The following RBFOX1 variants were observed in gnomAD, a reference collection of about 807,000 sequenced individuals.
The protein encoded by RBFOX1 is RNA binding fox-1 homolog 1, also known as RNA binding protein fox-1 homolog 1.
In RBFOX1, 8 loss-of-function variants were observed where a neutral mutation model predicts 57.7. The observed-to-expected ratio is 0.14, with a 90% confidence interval of 0.08 to 0.25. RBFOX1 has a LOEUF of 0.25. RBFOX1 is among the 10% of genes least tolerant of loss of function. RBFOX1 has a pLI of 1.00. For missense variants in RBFOX1, 611 were observed against 548.5 expected, an observed-to-expected ratio of 1.11 and a Z score of -1.14; for synonymous variants, 326 against 222.4, an observed-to-expected ratio of 1.47 and a Z score of -4.15.
chr16:5,625,385 C>T (rs1000062500), intron 3 of RBFOX1, among the ~76,000 whole-genome samples: 1 of 152,044 alleles, frequency 6.6e-6, no homozygotes, highest in African/African-American at 2.4e-5. Context: ...GACTGGGGCA[C>T]AGAGAGGTCA....
chr16:5,737,958 C>A (rs1030260417), intron 3 of RBFOX1, among the ~76,000 whole-genome samples: 3 of 152,114 alleles, frequency 2.0e-5, no homozygotes, highest in African/African-American at 7.2e-5. Context: ...CTGCACCCGC[C>A]AACCTGTCAT....
At chr16:5,823,252 G>A (rs552057655) in intron 3 of RBFOX1, among the ~76,000 whole-genome samples, 61 of 152,266 alleles carry the variant, frequency 4.0e-4, no homozygotes, top group African/African-American at 1.5e-3. Context: ...CTTACACATA[G>A]TTGGTACTTG....
chr16:7,478,962 G>A (rs540044273), intron 4 of RBFOX1, among the ~76,000 whole-genome samples: 5 of 152,166 alleles, frequency 3.3e-5, no homozygotes, highest in African/African-American at 7.2e-5. Context: ...GACCGAACAC[G>A]GTATTAGCCT....
intron 2 of RBFOX1, among the ~76,000 whole-genome samples, chr16:6,627,339 G>C (rs1361907771): frequency 6.6e-6 from 1 of 152,156 alleles, no homozygotes; most frequent in Non-Finnish European, 1.5e-5. Flanking sequence ...GGTGAGCTTA[G>C]GACATACGGA....
chr16:6,124,906 C>A (rs1335011856), intron 1 of RBFOX1, among the ~76,000 whole-genome samples: 2 of 152,140 alleles, frequency 1.3e-5, no homozygotes, highest in African/African-American at 2.4e-5. Context: ...CTACAACCAG[C>A]CTGCTTTCCA....
At chr16:5,733,740 C>G (rs1031103002) in intron 3 of RBFOX1, among the ~76,000 whole-genome samples, 7 of 151,952 alleles carry the variant, frequency 4.6e-5, no homozygotes, top group African/African-American at 1.5e-4. Flanking sequence ...CTTCCTATCT[C>G]TTCTTTCCTG....
intron 2 of RBFOX1, among the ~76,000 whole-genome samples, chr16:6,397,411 G>T (rs887308207): frequency 5.3e-5 from 8 of 151,604 alleles, no homozygotes; most frequent in Non-Finnish European, 1.2e-4. Context: ...GGTTGACAAA[G>T]AAATCTGCCC....
chr16:6,734,284 G>T (rs891215366), intron 3 of RBFOX1, among the ~76,000 whole-genome samples: 1 of 152,106 alleles, frequency 6.6e-6, no homozygotes, highest in Non-Finnish European at 1.5e-5. Context: ...TGCATGCGAG[G>T]GCTGGTATAG....
intron 1 of RBFOX1, among the ~76,000 whole-genome samples, chr16:6,066,435 G>C (rs1442193985): frequency 6.6e-6 from 1 of 151,986 alleles, no homozygotes; most frequent in African/African-American, 2.4e-5. Context: ...ACATCAGAAG[G>C]GAAAAACCCT....
chr16:6,262,097 C>G, intron 1 of RBFOX1, among the ~76,000 whole-genome samples: 1 of 151,982 alleles, frequency 6.6e-6, no homozygotes, highest in African/African-American at 2.4e-5. Flanking sequence ...GTAGAGATGA[C>G]AAAGACAGAG....
At chr16:6,686,707 G>A (rs1034044094) in intron 3 of RBFOX1, among the ~76,000 whole-genome samples, 3 of 152,108 alleles carry the variant, frequency 2.0e-5, no homozygotes, top group Non-Finnish European at 2.9e-5. Flanking sequence ...ACGCAATTGT[G>A]AGACTAACCT....
At chr16:6,938,686 C>T (rs1054802497) in intron 3 of RBFOX1, among the ~76,000 whole-genome samples, 1 of 152,028 alleles carries the variant, frequency 6.6e-6, no homozygotes, top group Non-Finnish European at 1.5e-5. Context: ...GGGGCTTTGC[C>T]ATGTTGGCCA....
chr16:6,481,930 A>G (rs1463366768), intron 2 of RBFOX1, among the ~76,000 whole-genome samples: 1 of 152,190 alleles, frequency 6.6e-6, no homozygotes, highest in Non-Finnish European at 1.5e-5. Context: ...AGAAAAAAAA[A>G]TCCCTCCTCG....
chr16:6,315,201 G>A, intron 1 of RBFOX1, among the ~76,000 whole-genome samples: 1 of 152,250 alleles, frequency 6.6e-6, no homozygotes, highest in Non-Finnish European at 1.5e-5. Context: ...ACAAAGAAAG[G>A]TTGAGTGACT....
At chr16:6,170,717 G>C (rs74485325) in intron 1 of RBFOX1, among the ~76,000 whole-genome samples, 1 of 151,944 alleles carries the variant, frequency 6.6e-6, no homozygotes, top group African/African-American at 2.4e-5. Flanking sequence ...GTACCCAATA[G>C]CTATTTTTCT....
Position 7,201,714 on chromosome 16 carries a change from C to T in RBFOX1, c.27+149616C>T, listed in dbSNP as rs528884097. Among the ~76,000 whole-genome samples the T allele has an allele frequency of 1.2e-3, 177 of 152,220 alleles. 1 individual carries two copies. Among genetic ancestry groups the T allele is most frequent in the Non-Finnish European group, 9.0e-4 (61 of 68,006 alleles). On this transcript the variant is annotated intron_variant, in intron 4 of 15. Coordinates refer to ENST00000550418, the MANE Select transcript of RBFOX1 (RefSeq NM_018723.4). ...CAGACCTCAGGTGGTCCACCCACCT[C>T]AGCCTCCCAAAGTACTGGGACTACA... is the stretch of plus-strand genomic sequence containing the variant.
intron 3 of RBFOX1, among the ~76,000 whole-genome samples, chr16:5,713,580 T>A (rs565218101): frequency 6.6e-6 from 1 of 152,318 alleles, no homozygotes; most frequent in South Asian, 2.1e-4. Flanking sequence ...CCAAACTAGT[T>A]GATCTGGAAA....
chr16:7,691,722 G>C (rs184590648), intron 14 of RBFOX1, among the ~76,000 whole-genome samples: 4 of 150,552 alleles, frequency 2.7e-5, no homozygotes, highest in Admixed American at 2.0e-4. Context: ...TAGCACATTG[G>C]ACAGTTCCTT....
chr16:6,498,781 C>A (rs868856110), intron 2 of RBFOX1, among the ~76,000 whole-genome samples: 1 of 152,084 alleles, frequency 6.6e-6, no homozygotes, highest in African/African-American at 2.4e-5. Context: ...TTTCAGAGTC[C>A]TATTGAGGAA....
Sources: allele counts gnomAD v4.1 joint callset (sites outside exome capture counted in the v4.1 genomes callset), GRCh38; gene constraint gnomAD v4.1.1; transcripts MANE v1.5; gene names NCBI Gene and HGNC (gene_info 2026-07-23, HGNC 2026-07-21).